The following PDE10A variants were observed in gnomAD, a reference collection of about 807,000 sequenced individuals.
PDE10A encodes cAMP and cAMP-inhibited cGMP 3',5'-cyclic phosphodiesterase 10A.
In PDE10A, 39 loss-of-function variants were observed where a neutral mutation model predicts 97.7. The ratio of observed to expected loss-of-function variants is 0.40; its 90% CI spans 0.31 to 0.52. PDE10A has a LOEUF of 0.52. Ranked by LOEUF, PDE10A falls within the 20% of genes least tolerant of loss-of-function variation. The pLI is 0.56. For missense variants in PDE10A, 731 were observed against 1,047.8 expected (o/e 0.70, Z 4.17); for synonymous variants, 371 against 376.8 (o/e 0.98, Z 0.18).
chr6:165,868,222 CA>C (rs1158840380), intron 1 of PDE10A, among the ~76,000 whole-genome samples: 1 of 151,818 alleles, frequency 6.6e-6, no homozygotes. Flanking sequence ...ATCAACAAAA[CA>C]AAAAATTGCT....
chr6:165,825,633 G>A (rs574369189), intron 1 of PDE10A, among the ~76,000 whole-genome samples: 1 of 152,350 alleles, frequency 6.6e-6, no homozygotes, highest in East Asian at 1.9e-4. Context: ...AAGTTGGACG[G>A]AGGCCCTGGG....
intron 19 of PDE10A, 117 bp from the exon 20 acceptor site, chr6:165,339,475 GGTT>G (rs1384320296): frequency 8.6e-6 from 6 of 694,646 alleles, no homozygotes; most frequent in Non-Finnish European, 1.5e-5. Flanking sequence ...TAATGTTTGT[GGTT>G]GTTAACCCAA....
chr6:165,397,952 A>G (rs1418330890), intron 13 of PDE10A, among the ~76,000 whole-genome samples: 2 of 152,282 alleles, frequency 1.3e-5, no homozygotes, highest in East Asian at 3.9e-4. Flanking sequence ...ACATACATAG[A>G]AATCAGAAAC....
intron 1 of PDE10A, among the ~76,000 whole-genome samples, chr6:165,749,343 AC>A (rs1792930723): frequency 6.8e-6 from 1 of 147,038 alleles, no homozygotes; most frequent in Non-Finnish European, 1.5e-5. Context: ...CACCATCACC[AC>A]CACCATTATC....
At chr6:165,503,815 CA>C (rs202049504) in intron 2 of PDE10A, among the ~76,000 whole-genome samples, 132 of 148,764 alleles carry the variant, frequency 8.9e-4, no homozygotes, top group Middle Eastern at 3.4e-3. Context: ...GAAATTAATG[CA>C]AAAAAAAATA....
At chr6:165,349,719 G>A (rs1027995024) in intron 18 of PDE10A, among the ~76,000 whole-genome samples, 1 of 152,176 alleles carries the variant, frequency 6.6e-6, no homozygotes, top group African/African-American at 2.4e-5. Context: ...TGGTTTCGTG[G>A]GCCCCCCTGC....
chr6:165,783,005 T>C (rs989196409), intron 1 of PDE10A, among the ~76,000 whole-genome samples: 1 of 151,422 alleles, frequency 6.6e-6, no homozygotes, highest in Non-Finnish European at 1.5e-5. Flanking sequence ...TCCTCTCTGA[T>C]GCTCTACATA....
chr6:165,884,532 A>C (rs1781576875), intron 1 of PDE10A, among the ~76,000 whole-genome samples: 2 of 152,298 alleles, frequency 1.3e-5, no homozygotes, highest in African/African-American at 4.8e-5. Flanking sequence ...CCTACCTTCC[A>C]CACCTGTCTC....
chr6:165,970,820 C>T (rs1362236408), intron 1 of PDE10A, among the ~76,000 whole-genome samples: 1 of 152,082 alleles, frequency 6.6e-6, no homozygotes, highest in East Asian at 1.9e-4. Flanking sequence ...ATTATCAGAA[C>T]ATGAATTGGA....
intron 1 of PDE10A, among the ~76,000 whole-genome samples, chr6:165,674,745 G>A (rs1475656130): frequency 6.6e-6 from 1 of 152,156 alleles, no homozygotes; most frequent in Non-Finnish European, 1.5e-5. Context: ...ACAAGGGCAC[G>A]GAGGCAGAAT....
At chr6:165,911,967 A>G (rs536368090) in intron 1 of PDE10A, among the ~76,000 whole-genome samples, 1 of 152,276 alleles carries the variant, frequency 6.6e-6, no homozygotes, top group Non-Finnish European at 1.5e-5. Flanking sequence ...TGAAGAATCT[A>G]TAGAGAGGGA....
chr6:165,407,907 G>C (rs753224745), intron 13 of PDE10A, among the ~76,000 whole-genome samples: 4 of 152,204 alleles, frequency 2.6e-5, no homozygotes, highest in African/African-American at 7.2e-5. Context: ...AAATGAAAGA[G>C]AGATGCTGCC....
At chr6:165,666,244 T>G (rs753169713), upstream of PDE10A, among the ~76,000 whole-genome samples, 31 of 152,244 alleles carry the variant, frequency 2.0e-4, no homozygotes, top group Non-Finnish European at 4.0e-4. Context: ...AGTTGTAAAT[T>G]TCACATCATT....
At chr6:165,752,711 T>C (rs1048992373) in intron 1 of PDE10A, among the ~76,000 whole-genome samples, 3 of 152,184 alleles carry the variant, frequency 2.0e-5, no homozygotes, top group African/African-American at 4.8e-5. Context: ...TGAAACACCA[T>C]GAAAAACCCA....
intron 19 of PDE10A, among the ~76,000 whole-genome samples, chr6:165,341,809 G>C (rs1781987273): frequency 6.6e-6 from 1 of 152,278 alleles, no homozygotes; most frequent in South Asian, 2.1e-4. Context: ...TGAAAACTAT[G>C]CAAGAACCAC....
intron 17 of PDE10A, among the ~76,000 whole-genome samples, chr6:165,385,936 C>T (rs909979405): frequency 1.3e-5 from 2 of 152,138 alleles, no homozygotes; most frequent in Non-Finnish European, 1.5e-5. Flanking sequence ...TTGCAATGTA[C>T]CTAGCACCTT....
chr6:165,405,748 T>C (rs531832641), intron 13 of PDE10A, among the ~76,000 whole-genome samples: 3 of 152,254 alleles, frequency 2.0e-5, no homozygotes, highest in South Asian at 2.1e-4. Context: ...TACACACACA[T>C]TGAGAACTCA....
chr6:165,777,489 C>A (rs1778218285), intron 1 of PDE10A, among the ~76,000 whole-genome samples: 1 of 117,322 alleles, frequency 8.5e-6, no homozygotes, highest in South Asian at 2.3e-4. Context: ...GGAATCTCGT[C>A]TTTGCAGTCA....
intron 18 of PDE10A, among the ~76,000 whole-genome samples, chr6:165,350,348 G>C (rs543772743): frequency 4.5e-4 from 68 of 152,272 alleles, no homozygotes; most frequent in African/African-American, 1.6e-3. Context: ...TTTTGGATTT[G>C]TATGGGGCAT....
Sources: allele counts gnomAD v4.1 joint callset (sites outside exome capture counted in the v4.1 genomes callset), GRCh38; gene constraint gnomAD v4.1.1; transcripts MANE v1.5; gene names NCBI Gene and HGNC (gene_info 2026-07-23, HGNC 2026-07-21).